SLC25A25: variants seen among roughly 807,000 people sequenced by gnomAD.
SLC25A25 encodes mitochondrial adenyl nucleotide antiporter SLC25A25.
A neutral mutation model predicts 57.7 loss-of-function variants in SLC25A25; 32 were observed. That is an observed-to-expected ratio of 0.55 (90% CI 0.42 to 0.74). The LOEUF (loss-of-function observed/expected upper bound fraction) is 0.74, where lower values mean the gene tolerates loss of function less well. Ranked by LOEUF, SLC25A25 falls within the 30% of genes least tolerant of loss-of-function variation. The probability of loss-of-function intolerance (pLI) is 0.00; values close to 1 mark genes in which losing one functional copy is unlikely to be tolerated. For missense variants in SLC25A25, 556 were observed against 701.3 expected (o/e 0.79, Z 2.34); for synonymous variants, 306 against 291.2 (o/e 1.05, Z -0.52).
intron 1 of SLC25A25, among the ~76,000 whole-genome samples, chr9:128,076,128 TTTTATTATTTA>T (rs1220571358): frequency 1.3e-5 from 2 of 151,980 alleles, no homozygotes; most frequent in Non-Finnish European, 2.9e-5. Flanking sequence ...GCAGCCAACT[TTTTATTATTTA>T]TTTATTATTT....
At chr9:128,077,384 G>A (rs1254535416) in intron 1 of SLC25A25, among the ~76,000 whole-genome samples, 4 of 152,122 alleles carry the variant, frequency 2.6e-5, no homozygotes, top group Admixed American at 2.0e-4. Flanking sequence ...GGGCGCGGTG[G>A]CGGGCGCCTG....
intron 1 of SLC25A25, among the ~76,000 whole-genome samples, chr9:128,071,478 G>C (rs2130780913): frequency 6.6e-6 from 1 of 152,156 alleles, no homozygotes; most frequent in East Asian, 1.9e-4. Flanking sequence ...AATGATCTCA[G>C]CTCACTGCAA....
intron 1 of SLC25A25, among the ~76,000 whole-genome samples, chr9:128,089,784 C>T (rs188690836): frequency 7.9e-4 from 120 of 152,056 alleles, no homozygotes; most frequent in Non-Finnish European, 1.5e-3. Context: ...ACAACAGGCA[C>T]CACGATGCCT....
chr9:128,094,743 T>G (rs1229458094), intron 1 of SLC25A25, among the ~76,000 whole-genome samples: 4 of 152,206 alleles, frequency 2.6e-5, no homozygotes, highest in East Asian at 1.9e-4. Context: ...GCACCTGCTT[T>G]CTTCTGGCAT....
rs530502443 is a variant in SLC25A25, at chr9:128,102,917, C to A, written c.624+436C>A. On this transcript the variant is annotated intron_variant, in intron 5 of 10. Transcript: ENST00000373069. The surrounding 1 kb of genome is among the most constrained non-coding windows in gnomAD (Gnocchi z 4.1). Reference sequence around the variant, plus strand: ...CACGGTCACACATTTGCTGCCCTCTCGCCCCCGTCCACTGTGGTTTCATGT... The same window carrying A: ...CACGGTCACACATTTGCTGCCCTCTAGCCCCCGTCCACTGTGGTTTCATGT... Among the ~76,000 whole-genome samples, 1 of 152,174 alleles carries A rather than the reference C, an allele frequency of 6.6e-6. No homozygotes were observed. Among genetic ancestry groups the A allele is most frequent in the African/African-American group, 2.4e-5 (1 of 41,434 alleles).
intron 1 of SLC25A25, among the ~76,000 whole-genome samples, chr9:128,079,718 C>T (rs1283929298): frequency 6.8e-5 from 10 of 148,026 alleles, no homozygotes; most frequent in South Asian, 2.1e-4. Context: ...AGGGGCCAGG[C>T]GCGGTGGCTC....
chr9:128,107,563 C>T lies in SLC25A25; in HGVS notation c.*119C>T. 2 of 1,231,766 alleles carry T rather than the reference C, an allele frequency of 1.6e-6. No homozygotes were observed. The highest frequency in any genetic ancestry group is 3.0e-5 in the Admixed American group (1 of 33,898). 76.3% of individuals were successfully genotyped at this position (1,231,766 alleles called of 1,614,324 possible). Reference sequence around the variant, plus strand: ...CTGTCTCGAGCCAAGCTGTGAAAACCCTAGACGCACCCGCAGGGAGGGTGG... The same window carrying T: ...CTGTCTCGAGCCAAGCTGTGAAAACTCTAGACGCACCCGCAGGGAGGGTGG... On this transcript the variant is annotated 3_prime_UTR_variant, in exon 11 of 11. Transcript: ENST00000373069.
chr9:128,092,483 T>C (rs1196227492), intron 1 of SLC25A25, among the ~76,000 whole-genome samples: 3 of 152,134 alleles, frequency 2.0e-5, no homozygotes, highest in African/African-American at 7.2e-5. Flanking sequence ...ACCCAGTTGC[T>C]TGGAGCTGTG....
intron 1 of SLC25A25, among the ~76,000 whole-genome samples, chr9:128,079,344 A>C (rs1833085600): frequency 6.6e-6 from 1 of 151,052 alleles, no homozygotes; most frequent in Non-Finnish European, 1.5e-5. Context: ...TTCTTCCAAA[A>C]CACAGAACCG....
At chr9:128,092,207 G>T in intron 1 of SLC25A25, 4 of 1,337,650 alleles carry the variant, frequency 3.0e-6, no homozygotes, top group Non-Finnish European at 4.1e-6. Flanking sequence ...GGGGTTCAGG[G>T]AGAAGTGGTA....
chr9:128,091,361 T>C (rs1332329528), intron 1 of SLC25A25: 18 of 878,842 alleles, frequency 2.0e-5, no homozygotes, highest in African/African-American at 5.4e-5. Context: ...GGGCTGGTGC[T>C]GGTAGGGATA....
chr9:128,083,429 T>G lies in SLC25A25; in HGVS notation c.261+14849T>G, dbSNP rs115170880. Among the ~76,000 whole-genome samples the G allele has an allele frequency of 1.2e-3, 188 of 152,112 alleles. 1 individual carries two copies. Among genetic ancestry groups the G allele is most frequent in the African/African-American group, 4.4e-3 (181 of 41,546 alleles). On this transcript the variant is annotated intron_variant, in intron 1 of 10. Transcript: ENST00000373069. ...ACTTTCTGTCAAATAAAATCTCGCT[T>G]CATCTGTTAACTTTCTAAAAAGTGT...
intron 1 of SLC25A25, among the ~76,000 whole-genome samples, chr9:128,082,566 A>G (rs1232968663): frequency 2.0e-5 from 3 of 152,214 alleles, no homozygotes; most frequent in Non-Finnish European, 4.4e-5. Context: ...GAGAGTCTTC[A>G]AACTCTTGAC....
chr9:128,081,881 T>A (rs1319040699), intron 1 of SLC25A25, among the ~76,000 whole-genome samples: 2 of 151,838 alleles, frequency 1.3e-5, no homozygotes, highest in Admixed American at 1.3e-4. Flanking sequence ...TGATCATACC[T>A]GCACTCCAGT....
At chr9:128,096,553 A>G (rs1238199918) in intron 1 of SLC25A25, among the ~76,000 whole-genome samples, 2 of 152,208 alleles carry the variant, frequency 1.3e-5, no homozygotes, top group Non-Finnish European at 2.9e-5. Context: ...CCATTTGAAT[A>G]TAATGCCCTG....
chr9:128,098,583 T>G (rs1564189412), intron 1 of SLC25A25: 2 of 1,614,002 alleles, frequency 1.2e-6, no homozygotes, highest in Non-Finnish European at 1.7e-6. Context: ...TGTCTGTGCC[T>G]GTATGTGCCG....
Position 128,103,867 on chromosome 9 carries a change from T to C in SLC25A25, c.783+28T>C, listed in dbSNP as rs1435518478. 4.7e-6 allele frequency: 7 copies of C among 1,503,494 alleles called. No homozygotes were observed. The East Asian group carries it at 1.2e-4, about 26-fold the overall frequency. The allele number at this position is 1,503,494 out of a possible 1,614,324, so 93.1% of individuals were successfully genotyped here. A position where few individuals can be genotyped will look rare whatever the true frequency, so the allele number is the denominator to read the frequency against. ...ATGTAGGGAAAAGGCCCCAGACCCC[T>C]GGGGGGCCAGTTTCCACCTGGGGGA... On this transcript the variant is annotated intron_variant, in intron 6 of 10. Coordinates refer to ENST00000373069, the MANE Select transcript of SLC25A25 (RefSeq NM_001330988.2). This position sits in a 1 kb window ranked among gnomAD's most constrained non-coding sequence, Gnocchi z 6.7.
Position 128,101,868 on chromosome 9 carries a change from G to A in SLC25A25, c.477-212G>A, listed in dbSNP as rs181291095. 2.6e-5 allele frequency among the ~76,000 whole-genome samples: 4 copies of A among 152,194 alleles called. No homozygotes were observed. Among genetic ancestry groups the A allele is most frequent in the African/African-American group, 9.7e-5 (4 of 41,442 alleles). ...TCATGGAACAGCCCTGGGAGTTGCC[G>A]TCTGTCCTGGCTGGACCTTCCGGAA... On this transcript the variant is annotated intron_variant, in intron 3 of 10. Transcript: ENST00000373069. This position sits in a 1 kb window ranked among gnomAD's most constrained non-coding sequence, Gnocchi z 4.9.
Position 128,099,194 on chromosome 9 carries a change from A to T in SLC25A25, c.262-1902A>T. On this transcript the variant is annotated intron_variant, in intron 1 of 10. Transcript: ENST00000373069. The surrounding 1 kb of genome is among the most constrained non-coding windows in gnomAD (Gnocchi z 6.8). ...GAACAGGGCCTGTGTCTGCCCTGAA[A>T]GTGAGGAAGCCGAGCTGCAGAGTCC... is the stretch of plus-strand genomic sequence containing the variant. 1 of 1,267,946 alleles carries T rather than the reference A, an allele frequency of 7.9e-7. No individual in the cohort carries two copies. Among genetic ancestry groups the T allele is most frequent in the South Asian group, 1.3e-5 (1 of 78,054 alleles). 78.5% of individuals were successfully genotyped at this position (1,267,946 alleles called of 1,614,324 possible). A position where few individuals can be genotyped will look rare whatever the true frequency, so the allele number is the denominator to read the frequency against.
Sources: allele counts gnomAD v4.1 joint callset (sites outside exome capture counted in the v4.1 genomes callset), GRCh38; gene constraint gnomAD v4.1.1; non-coding constraint Gnocchi (gnomAD v3.1); transcripts MANE v1.5; gene names NCBI Gene and HGNC (gene_info 2026-07-23, HGNC 2026-07-21).